The following IPP variants were observed in gnomAD, a reference collection of about 807,000 sequenced individuals.
IPP encodes the protein intracisternal A particle-promoted polypeptide, also known as actin-binding protein IPP.
Under a neutral mutation model 64.1 loss-of-function variants are expected in IPP, and 41 were observed. The ratio of observed to expected loss-of-function variants is 0.64; its 90% CI spans 0.50 to 0.83. The LOEUF (loss-of-function observed/expected upper bound fraction) is 0.83, where lower values mean the gene tolerates loss of function less well. Ranked by LOEUF, IPP falls within the 40% of genes least tolerant of loss-of-function variation. IPP has a pLI of 0.00. For synonymous variants in IPP, 214 were observed against 235.2 expected (o/e 0.91, Z 0.83); for missense variants, 649 against 703.0 (o/e 0.92, Z 0.87).
chr1:45,707,141 A>C (rs981937746), intron 8 of IPP, among the ~76,000 whole-genome samples: 3 of 152,128 alleles, frequency 2.0e-5, no homozygotes, highest in African/African-American at 4.8e-5. Flanking sequence ...AAAAGACTTT[A>C]GGCTGGGCAC....
At chr1:45,722,438 C>G (rs1191703233) in intron 5 of IPP, among the ~76,000 whole-genome samples, 1 of 151,854 alleles carries the variant, frequency 6.6e-6, no homozygotes. Context: ...GTAATCCCAG[C>G]TACTTGGGAG....
chr1:45,740,855 C>T, intron 3 of IPP, 46 bp downstream of exon 3: 1 of 1,230,824 alleles, frequency 8.1e-7, no homozygotes, highest in Non-Finnish European at 1.1e-6. Flanking sequence ...GAGAACACAT[C>T]ACTGGATAAT....
chr1:45,746,396 A>G lies in IPP; in HGVS notation c.16T>C (p.Cys6Arg). 1 of 1,609,942 alleles carries G rather than the reference A, an allele frequency of 6.2e-7. No individual in the cohort carries two copies. Among genetic ancestry groups the G allele is most frequent in the Non-Finnish European group, 8.5e-7 (1 of 1,176,398 alleles). The change falls in exon 2 of 9, where the codon TGT (cysteine) becomes CGT (arginine). Residue 6 changes from cysteine (C) to arginine (R), a missense_variant. Physicochemically the swap from Cys to Arg is radical, Grantham distance 180. Coordinates refer to ENST00000396478, the MANE Select transcript of IPP (RefSeq NM_005897.3). The stretch of plus-strand genomic sequence containing the variant: ...AAAGGACTATCAGCAGCCTTGGGAC[A>G]GTCCTCATTAGCCATGATGACGGTA... MANEDCPKAADSPFSS... is the reference protein window; with the variant it reads MANEDRPKAADSPFSS...
intron 4 of IPP, among the ~76,000 whole-genome samples, chr1:45,728,359 A>C (rs1377180809): frequency 6.6e-6 from 1 of 151,732 alleles, no homozygotes; most frequent in Non-Finnish European, 1.5e-5. Context: ...CATATATGTA[A>C]TTATATATAT....
At chr1:45,697,627 T>C (rs1368560652), downstream of IPP, among the ~76,000 whole-genome samples, 3 of 152,280 alleles carry the variant, frequency 2.0e-5, no homozygotes, top group East Asian at 3.9e-4. Context: ...AATAAGTTGA[T>C]GATGCTTATA....
At chr1:45,705,709 G>T (rs1645504707) in intron 8 of IPP, among the ~76,000 whole-genome samples, 2 of 152,148 alleles carry the variant, frequency 1.3e-5, no homozygotes, top group Admixed American at 1.3e-4. Context: ...GGGAGGCTGA[G>T]GCACAAGAAT....
chr1:45,726,434 C>T (rs1645829092), intron 5 of IPP, among the ~76,000 whole-genome samples: 1 of 152,028 alleles, frequency 6.6e-6, no homozygotes, highest in Non-Finnish European at 1.5e-5. Context: ...CCATTGCACT[C>T]CAGCCTGGAC....
chr1:45,731,834 G>A (rs1645910011), intron 3 of IPP, among the ~76,000 whole-genome samples: 2 of 151,836 alleles, frequency 1.3e-5, no homozygotes, highest in Non-Finnish European at 2.9e-5. Flanking sequence ...TACTCAGGAG[G>A]CTGAGGCAGC....
At chr1:45,707,899 A>C (rs1054898272) in intron 8 of IPP, among the ~76,000 whole-genome samples, 1 of 152,146 alleles carries the variant, frequency 6.6e-6, no homozygotes. Flanking sequence ...GGCACATCAT[A>C]ATCAAATTAC....
intron 3 of IPP, among the ~76,000 whole-genome samples, chr1:45,730,755 A>G (rs902387001): frequency 8.5e-5 from 13 of 152,234 alleles, no homozygotes; most frequent in African/African-American, 2.4e-4. Flanking sequence ...TTCCATCTCT[A>G]ATCTTTTCTC....
At chr1:45,731,120 TCAAC>T (rs1645899015) in intron 3 of IPP, among the ~76,000 whole-genome samples, 1 of 152,218 alleles carries the variant, frequency 6.6e-6, no homozygotes, top group Non-Finnish European at 1.5e-5. Flanking sequence ...TCTCTAGTCT[TCAAC>T]CACCCTCATG....
At chr1:45,735,819 AT>A (rs1042354762) in intron 3 of IPP, among the ~76,000 whole-genome samples, 1 of 60,784 alleles carries the variant, frequency 1.6e-5, no homozygotes, top group Non-Finnish European at 3.7e-5. Flanking sequence ...TTTAAAAAAA[AT>A]TTTTTTGTAG....
At chr1:45,712,302 AAAAAAAAAAAAAGCAACCAACTTGACTT>A (rs1645600991) in intron 8 of IPP, among the ~76,000 whole-genome samples, 1 of 151,542 alleles carries the variant, frequency 6.6e-6, no homozygotes, top group Non-Finnish European at 1.5e-5. Context: ...GACGTCTAAA[AAAAAAAAAAAAAGCAACCAACTTGACTT>A]AATGGACATT....
intron 4 of IPP, among the ~76,000 whole-genome samples, chr1:45,728,429 G>C (rs1428170002): frequency 6.6e-6 from 1 of 151,788 alleles, no homozygotes; most frequent in Non-Finnish European, 1.5e-5. Context: ...TATGTATACA[G>C]ATCTGGACTA....
At chr1:45,750,095 G>A (rs537093587) in intron 1 of IPP, among the ~76,000 whole-genome samples, 1 of 152,270 alleles carries the variant, frequency 6.6e-6, no homozygotes, top group South Asian at 2.1e-4. Flanking sequence ...ATGCCCAGAG[G>A]AACTAAAGCG....
intron 2 of IPP, among the ~76,000 whole-genome samples, chr1:45,743,309 C>T (rs1646091983): frequency 6.6e-6 from 1 of 150,506 alleles, no homozygotes; most frequent in South Asian, 2.1e-4. Flanking sequence ...ATGGTCTCTG[C>T]TCACTGCAAC....
intron 5 of IPP, among the ~76,000 whole-genome samples, chr1:45,722,215 C>T (rs1025959060): frequency 6.6e-6 from 1 of 152,026 alleles, no homozygotes; most frequent in African/African-American, 2.4e-5. Context: ...GACTGAGCCA[C>T]TGCCCTCTAG....
At chr1:45,721,754 A>G (rs530076898) in intron 5 of IPP, among the ~76,000 whole-genome samples, 24 of 152,336 alleles carry the variant, frequency 1.6e-4, no homozygotes, top group African/African-American at 5.8e-4. Flanking sequence ...AGTATCTAAA[A>G]AGTTACTTCT....
chr1:45,733,529 A>G (rs1339545099), intron 3 of IPP, among the ~76,000 whole-genome samples: 1 of 151,576 alleles, frequency 6.6e-6, no homozygotes, highest in East Asian at 1.9e-4. Context: ...GAGGAGACAT[A>G]GGAGAATCAT....
Sources: gnomAD v4.1 joint callset for allele counts (sites outside exome capture counted in the v4.1 genomes callset) on GRCh38, gnomAD v4.1.1 for gene constraint, MANE v1.5 for transcripts, NCBI Gene and HGNC (gene_info 2026-07-23, HGNC 2026-07-21) for gene names.